GSE1: variants seen among roughly 807,000 people sequenced by gnomAD.
GSE1 encodes the protein genetic suppressor element 1.
In GSE1, 32 loss-of-function variants were observed where a neutral mutation model predicts 112.6. That is an observed-to-expected ratio of 0.28 (90% CI 0.21 to 0.38). GSE1 has a LOEUF of 0.38. Ranked by LOEUF, GSE1 falls within the 10% of genes least tolerant of loss-of-function variation. GSE1 has a pLI of 1.00. For synonymous variants in GSE1, 1,115 were observed against 735.6 expected, an observed-to-expected ratio of 1.52 and a Z score of -8.35; for missense variants, 2,348 against 1,699.2, an observed-to-expected ratio of 1.38 and a Z score of -6.71.
intron 2 of GSE1, among the ~76,000 whole-genome samples, chr16:85,643,699 A>G (rs1477681084): frequency 6.6e-6 from 1 of 152,124 alleles, no homozygotes; most frequent in Non-Finnish European, 1.5e-5. Context: ...CCCCATTTGT[A>G]GAGTTGGGGT....
Position 85,666,185 on chromosome 16 carries a change from C to T in GSE1, c.2968C>T (p.His990Tyr), listed in dbSNP as rs754782102. Residue 990 changes from histidine to tyrosine, a missense_variant, in exon 13 of 16, where the codon CAC becomes TAC. His to Tyr is a moderately conservative substitution (Grantham distance 83). Transcript: ENST00000253458. Reference protein sequence around the residue: ...PGGKKSLSMLHYIRGAAPKDI... With the variant: ...PGGKKSLSMLYYIRGAAPKDI... The stretch of plus-strand genomic sequence containing the variant: ...AGGCAAAAAGAGTCTGAGCATGCTT[C>T]ACTATATCCGGGGCGCTGCACCCAA... 6.8e-6 allele frequency: 11 copies of T among 1,613,444 alleles called. No individual in the cohort carries two copies. Among genetic ancestry groups the T allele is most frequent in the Non-Finnish European group, 9.3e-6 (11 of 1,180,052 alleles).
chr16:85,646,674 T>C (rs2050893370), intron 2 of GSE1, among the ~76,000 whole-genome samples: 1 of 152,064 alleles, frequency 6.6e-6, no homozygotes, highest in South Asian at 2.1e-4. Flanking sequence ...TCCACAACCG[T>C]GTGAGCGGCA....
At chr16:85,388,048 G>C (rs113736525) in intron 2 of GSE1, among the ~76,000 whole-genome samples, 655 of 94,960 alleles carry the variant, frequency 6.9e-3, no homozygotes, top group South Asian at 9.0e-3. Flanking sequence ...AGATGGATGG[G>C]TGGGTAGATG....
intron 1 of GSE1, among the ~76,000 whole-genome samples, chr16:85,588,485 C>G (rs1598292602): frequency 1.3e-5 from 2 of 152,200 alleles, no homozygotes; most frequent in Non-Finnish European, 2.9e-5. Flanking sequence ...AATGCTGAAT[C>G]TGTAATTCGG....
At chr16:85,211,477 T>C (rs372453879) in intron 1 of GSE1, among the ~76,000 whole-genome samples, 5 of 152,322 alleles carry the variant, frequency 3.3e-5, no homozygotes, top group African/African-American at 9.6e-5. Context: ...ACTGCCGCGC[T>C]GTGTCACCTT....
intron 1 of GSE1, among the ~76,000 whole-genome samples, chr16:85,232,549 C>G (rs1409618288): frequency 6.6e-6 from 1 of 152,002 alleles, no homozygotes; most frequent in Non-Finnish European, 1.5e-5. Flanking sequence ...GATAGACCCT[C>G]CAGAGCCCTG....
intron 1 of GSE1, among the ~76,000 whole-genome samples, chr16:85,302,442 C>T (rs1350909434): frequency 1.0e-5 from 1 of 100,420 alleles, no homozygotes; most frequent in African/African-American, 5.7e-5. Flanking sequence ...TGAGTCACAG[C>T]ACACCGCCCC....
chr16:85,582,745 C>T (rs1470829673), intron 1 of GSE1, among the ~76,000 whole-genome samples: 2 of 152,160 alleles, frequency 1.3e-5, no homozygotes, highest in Non-Finnish European at 2.9e-5. Context: ...TGCACAACCC[C>T]CCCTCGCCTC....
chr16:85,309,606 C>T (rs59552890), intron 1 of GSE1, among the ~76,000 whole-genome samples: 5,542 of 152,344 alleles, frequency 0.036, 327 homozygotes, highest in African/African-American at 0.12. Flanking sequence ...GCACGTGGCC[C>T]ACCCCCCGGA....
At chr16:85,566,562 C>A (rs2151308570) in intron 1 of GSE1, among the ~76,000 whole-genome samples, 1 of 152,336 alleles carries the variant, frequency 6.6e-6, no homozygotes, top group East Asian at 1.9e-4. Flanking sequence ...TCTTCCACCT[C>A]CCCAACCCCA....
At chr16:85,187,703 C>G (rs911225733) in intron 1 of GSE1, among the ~76,000 whole-genome samples, 2 of 152,320 alleles carry the variant, frequency 1.3e-5, no homozygotes, top group Non-Finnish European at 1.5e-5. Flanking sequence ...GCAGGTCACT[C>G]CATTCTCTGG....
chr16:85,176,073 C>G (rs999732171), intron 1 of GSE1, among the ~76,000 whole-genome samples: 10 of 152,146 alleles, frequency 6.6e-5, no homozygotes, highest in Admixed American at 2.6e-4. Context: ...ACTGCAGCCT[C>G]CCCCTCCTGA....
chr16:85,213,067 G>A (rs1597812463), intron 1 of GSE1, among the ~76,000 whole-genome samples: 2 of 152,052 alleles, frequency 1.3e-5, no homozygotes, highest in Non-Finnish European at 2.9e-5. Context: ...TCAGGAGATC[G>A]AGACCATCCT....
chr16:85,624,671 G>A (rs1031437459), intron 1 of GSE1, among the ~76,000 whole-genome samples: 4 of 152,220 alleles, frequency 2.6e-5, no homozygotes, highest in Admixed American at 6.5e-5. Context: ...GGTTGAGGGC[G>A]TGAATCTCCA....
intron 2 of GSE1, among the ~76,000 whole-genome samples, chr16:85,501,755 A>C (rs2051375536): frequency 6.6e-6 from 1 of 152,196 alleles, no homozygotes; most frequent in African/African-American, 2.4e-5. Flanking sequence ...TTTGGGTGAG[A>C]ACCGCTCGGG....
intron 2 of GSE1, among the ~76,000 whole-genome samples, chr16:85,498,700 G>C (rs1182873853): frequency 6.6e-6 from 1 of 152,252 alleles, no homozygotes; most frequent in Non-Finnish European, 1.5e-5. Context: ...AGTGGTGGCT[G>C]TGACCGCAGG....
rs1265863647 is a variant in GSE1, at chr16:85,657,130, G to T, written c.1313-147G>T. The T allele has an allele frequency of 1.1e-5, 6 of 562,196 alleles. No homozygotes were observed. In the Admixed American group the frequency reaches 1.1e-4, roughly 10 times the overall value. The allele number at this position is 562,196 out of a possible 1,614,324, so 34.8% of individuals were successfully genotyped here. A position where few individuals can be genotyped will look rare whatever the true frequency, so the allele number is the denominator to read the frequency against. On this transcript the variant is annotated intron_variant, in intron 7 of 15. Coordinates refer to ENST00000253458, the MANE Select transcript of GSE1 (RefSeq NM_014615.5). Reference sequence around the variant, plus strand: ...CATGCTTCTTGAAAGCTCCCGTAGGGCCCCTTCTGAATATCTTGGTTCTGG... The same window carrying T: ...CATGCTTCTTGAAAGCTCCCGTAGGTCCCCTTCTGAATATCTTGGTTCTGG...
At chr16:85,625,232 T>TCCGCACACACAGCAG in intron 1 of GSE1, among the ~76,000 whole-genome samples, 1 of 152,254 alleles carries the variant, frequency 6.6e-6, no homozygotes, top group South Asian at 2.1e-4. Flanking sequence ...GGCCTGCTTC[T>TCCGCACACACAGCAG]CCGCACACAC....
chr16:85,486,527 T>G (rs957536761), intron 2 of GSE1, among the ~76,000 whole-genome samples: 11 of 152,350 alleles, frequency 7.2e-5, no homozygotes, highest in Non-Finnish European at 1.3e-4. Context: ...GTCTCCTGTC[T>G]TAGAATTTCA....
Sources: allele counts gnomAD v4.1 joint callset (sites outside exome capture counted in the v4.1 genomes callset), GRCh38; gene constraint gnomAD v4.1.1; transcripts MANE v1.5; gene names NCBI Gene and HGNC (gene_info 2026-07-23, HGNC 2026-07-21).